Variants in NOX4 observed in about 807,000 individuals in gnomAD.
The protein encoded by NOX4 is kidney oxidase-1.
NOX4 carries 69 observed loss-of-function variants against 87.6 expected under a neutral mutation model. That is an observed-to-expected ratio of 0.79 (90% CI 0.65 to 0.96). The LOEUF is 0.96. NOX4 is among the 40% of genes least tolerant of loss of function. The pLI, the probability that NOX4 is intolerant of heterozygous loss-of-function variation, is 0.00. For missense variants in NOX4, 680 were observed against 681.5 expected, an observed-to-expected ratio of 1.00 and a Z score of 0.02; for synonymous variants, 275 against 238.2, an observed-to-expected ratio of 1.15 and a Z score of -1.42.
intron 11 of NOX4, among the ~76,000 whole-genome samples, chr11:89,379,456 T>G (rs537727975): frequency 6.6e-6 from 1 of 152,118 alleles, no homozygotes; most frequent in Admixed American, 6.6e-5. Flanking sequence ...GCCATGTAAC[T>G]ACTACTCCAC....
chr11:89,429,168 A>C (rs1179202766), intron 7 of NOX4, among the ~76,000 whole-genome samples: 3 of 152,214 alleles, frequency 2.0e-5, no homozygotes, highest in Admixed American at 2.0e-4. Context: ...CAATGAGAAA[A>C]AAGACACAAC....
chr11:89,370,294 ATATT>A (rs1939346874), intron 12 of NOX4, among the ~76,000 whole-genome samples: 1 of 151,884 alleles, frequency 6.6e-6, no homozygotes, highest in East Asian at 1.9e-4. Context: ...CCTTTATTGA[ATATT>A]TACTCACAAT....
chr11:89,408,585 T>C (rs558914044), intron 8 of NOX4, among the ~76,000 whole-genome samples: 13 of 152,298 alleles, frequency 8.5e-5, no homozygotes, highest in East Asian at 3.9e-4. Context: ...CTACTTTGTT[T>C]TTCTGGCCTA....
intron 5 of NOX4, chr11:89,443,406 G>C (rs945847651): frequency 6.6e-6 from 1 of 151,994 alleles, no homozygotes; most frequent in African/African-American, 2.4e-5. Context: ...AAATAAGGGG[G>C]GGGGATGCTG....
chr11:89,498,989 A>G (rs1946988987), upstream of NOX4: 2 of 153,724 alleles, frequency 1.3e-5, no homozygotes, highest in South Asian at 2.0e-4. Flanking sequence ...ATGAAGCACT[A>G]CAGTATAAGG....
intron 9 of NOX4, among the ~76,000 whole-genome samples, chr11:89,401,691 G>T (rs1222105758): frequency 6.6e-6 from 1 of 152,126 alleles, no homozygotes; most frequent in Admixed American, 6.6e-5. Flanking sequence ...ATTAGTCAAA[G>T]ACCTGGGTTT....
chr11:89,434,041 G>T (rs1022232796), intron 6 of NOX4, among the ~76,000 whole-genome samples: 1 of 151,940 alleles, frequency 6.6e-6, no homozygotes, highest in Non-Finnish European at 1.5e-5. Context: ...AAAGCTATTG[G>T]GACAATTCCA....
intron 2 of NOX4, among the ~76,000 whole-genome samples, chr11:89,473,688 T>C (rs1258322003): frequency 5.3e-5 from 8 of 152,150 alleles, no homozygotes; most frequent in African/African-American, 1.2e-4. Context: ...TTTTACTAAT[T>C]GAATCTATAA....
chr11:89,419,432 A>T (rs1399738349), intron 8 of NOX4, among the ~76,000 whole-genome samples: 3 of 151,826 alleles, frequency 2.0e-5, no homozygotes, highest in Non-Finnish European at 2.9e-5. Context: ...GTTTTTTTTT[A>T]ATTTTGAGAA....
At chr11:89,424,095 T>A (rs1327661711) in intron 7 of NOX4, among the ~76,000 whole-genome samples, 1 of 151,582 alleles carries the variant, frequency 6.6e-6, no homozygotes, top group African/African-American at 2.4e-5. Flanking sequence ...ATATAATAAT[T>A]AAGGAAGAAC....
the NOX4 span, among the ~76,000 whole-genome samples, chr11:89,559,377 C>T: frequency 1.9e-4 from 29 of 152,098 alleles, no homozygotes; most frequent in African/African-American, 5.1e-4. Context: ...AAAGGAAGTA[C>T]GAGAATTAAC....
chr11:89,429,106 A>G (rs1591214349), intron 7 of NOX4, among the ~76,000 whole-genome samples: 2 of 152,342 alleles, frequency 1.3e-5, no homozygotes, highest in East Asian at 1.9e-4. Flanking sequence ...CTCCTGAATG[A>G]CTACTGGGTA....
At chr11:89,499,883 A>C (rs2135510722), upstream of NOX4, among the ~76,000 whole-genome samples, 1 of 152,136 alleles carries the variant, frequency 6.6e-6, no homozygotes, top group Non-Finnish European at 1.5e-5. Context: ...TCTCATTATT[A>C]TTTATCATTC....
At chr11:89,373,552 C>T in intron 11 of NOX4, 60 bp from the exon 12 acceptor site, 1 of 1,088,232 alleles carries the variant, frequency 9.2e-7, no homozygotes, top group Non-Finnish European at 1.4e-6. Flanking sequence ...AATTATAATT[C>T]AATTACAACT....
intron 14 of NOX4, among the ~76,000 whole-genome samples, chr11:89,341,817 C>T (rs368883855): frequency 9.7e-4 from 148 of 152,090 alleles, no homozygotes; most frequent in South Asian, 6.6e-3. Flanking sequence ...AGGATGGAGG[C>T]GAATGACTTT....
At chr11:89,442,157 A>G (rs1944486892) in intron 5 of NOX4, among the ~76,000 whole-genome samples, 2 of 151,680 alleles carry the variant, frequency 1.3e-5, no homozygotes, top group South Asian at 4.2e-4. Context: ...AAAAGCATAA[A>G]GAGAGACATG....
chr11:89,517,777 C>T, the NOX4 span, among the ~76,000 whole-genome samples: 1 of 151,914 alleles, frequency 6.6e-6, no homozygotes, highest in Non-Finnish European at 1.5e-5. Context: ...ATATACTTTT[C>T]TCATGAGGAA....
chr11:89,355,552 C>T (rs1004795895), intron 12 of NOX4, among the ~76,000 whole-genome samples: 1 of 151,634 alleles, frequency 6.6e-6, no homozygotes, highest in African/African-American at 2.4e-5. Flanking sequence ...CTAAGAGATG[C>T]ACAGTCTCTT....
At chr11:89,407,684 C>T (rs919557801) in intron 8 of NOX4, among the ~76,000 whole-genome samples, 23 of 151,696 alleles carry the variant, frequency 1.5e-4, no homozygotes, top group African/African-American at 2.2e-4. Context: ...TTTTAATACC[C>T]GGCTGTGACA....
Sources: allele counts gnomAD v4.1 joint callset (sites outside exome capture counted in the v4.1 genomes callset), GRCh38; gene constraint gnomAD v4.1.1; transcripts MANE v1.5; gene names NCBI Gene and HGNC (gene_info 2026-07-23, HGNC 2026-07-21).